The following MARCHF3 variants were observed in gnomAD, a reference collection of about 807,000 sequenced individuals.
The protein encoded by MARCHF3 is E3 ubiquitin-protein ligase MARCHF3.
MARCHF3 carries 13 observed loss-of-function variants against 24.2 expected under a neutral mutation model. The observed-to-expected ratio is 0.54, with a 90% CI of 0.35 to 0.85. The LOEUF is 0.85. Among genes scored for constraint, MARCHF3 ranks in the 40% least tolerant of loss-of-function variants. The pLI is 0.01. For missense variants in MARCHF3, 276 were observed against 325.0 expected, an observed-to-expected ratio of 0.85 and a Z score of 1.16; for synonymous variants, 144 against 137.3, an observed-to-expected ratio of 1.05 and a Z score of -0.34.
At chr5:126,880,176 A>C (rs947241622) in intron 3 of MARCHF3, among the ~76,000 whole-genome samples, 2 of 152,276 alleles carry the variant, frequency 1.3e-5, no homozygotes, top group East Asian at 3.9e-4. Flanking sequence ...TGAGTAAAAG[A>C]AGCAGGAGGT....
chr5:127,020,631 C>T (rs1284795190), intron 1 of MARCHF3, among the ~76,000 whole-genome samples: 1 of 151,974 alleles, frequency 6.6e-6, no homozygotes, highest in East Asian at 1.9e-4. Context: ...TGGGCAGATC[C>T]CTTGAGCTCA....
chr5:126,910,296 A>C lies in MARCHF3; in HGVS notation c.393+4634T>G, dbSNP rs180873862. On this transcript the variant is annotated intron_variant, in intron 3 of 4. Transcript: ENST00000308660. ...AAAGCCTAGTGGCAAATATTCCATC[A>C]CTAGAAACTGATGTTACAAGCATGC... 7.5e-4 allele frequency among the ~76,000 whole-genome samples: 115 copies of C among 152,324 alleles called. 2 individuals are homozygous for C. The highest frequency in any genetic ancestry group is 1.8e-4 in the Non-Finnish European group (12 of 68,026).
Position 126,989,786 on chromosome 5 carries a change from T to G in MARCHF3, c.-57+40564A>C, listed in dbSNP as rs532331839. Among the ~76,000 whole-genome samples the G allele has an allele frequency of 3.3e-5, 5 of 152,286 alleles. No individual in the cohort carries two copies. In the South Asian group the frequency reaches 1.0e-3, roughly 32 times the overall value. ...AACAGTTTCCTATTATATTACACTC[T>G]GATCTTCAGTGTCTCTTGCAGCAAT... On this transcript the variant is annotated intron_variant, in intron 1 of 4. Transcript: ENST00000308660.
At chr5:126,909,020 T>A (rs1398248325) in intron 3 of MARCHF3, among the ~76,000 whole-genome samples, 1 of 152,172 alleles carries the variant, frequency 6.6e-6, no homozygotes, top group Non-Finnish European at 1.5e-5. Context: ...CCTTTCTGTT[T>A]GTTAGTTTTC....
intron 1 of MARCHF3, among the ~76,000 whole-genome samples, chr5:126,979,948 C>CAAAAAAA (rs757849978): frequency 4.5e-4 from 20 of 44,864 alleles, no homozygotes; most frequent in South Asian, 9.1e-4. Context: ...AACTCCATCT[C>CAAAAAAA]AAAAAAAAAA....
chr5:126,989,260 CAG>C (rs1373214526), intron 1 of MARCHF3, among the ~76,000 whole-genome samples: 1 of 151,716 alleles, frequency 6.6e-6, no homozygotes, highest in Non-Finnish European at 1.5e-5. Flanking sequence ...GCCTGGGTGA[CAG>C]AGAGAGACCC....
At chr5:126,875,961 T>C (rs747441704) in intron 4 of MARCHF3, among the ~76,000 whole-genome samples, 3 of 152,218 alleles carry the variant, frequency 2.0e-5, no homozygotes, top group Non-Finnish European at 4.4e-5. Flanking sequence ...GGGTGATAAA[T>C]CTTGGGTTTA....
At chr5:126,927,789 T>TTCTG in intron 1 of MARCHF3, among the ~76,000 whole-genome samples, 1 of 152,240 alleles carries the variant, frequency 6.6e-6, no homozygotes, top group Admixed American at 6.5e-5. Flanking sequence ...ATCTGTGTTG[T>TTCTG]TCTGTTTGTT....
At chr5:127,002,934 C>T (rs934676439) in intron 1 of MARCHF3, among the ~76,000 whole-genome samples, 4 of 152,100 alleles carry the variant, frequency 2.6e-5, no homozygotes, top group African/African-American at 4.8e-5. Context: ...CAATAGTGTA[C>T]GCTGGCAGGA....
chr5:127,026,496 T>C (rs988855103), intron 1 of MARCHF3, among the ~76,000 whole-genome samples: 4 of 152,234 alleles, frequency 2.6e-5, no homozygotes, highest in Non-Finnish European at 5.9e-5. Flanking sequence ...ATTGAACTAA[T>C]TATTATATAT....
intron 1 of MARCHF3, among the ~76,000 whole-genome samples, chr5:126,996,280 T>G (rs1480802300): frequency 6.6e-6 from 1 of 152,128 alleles, no homozygotes; most frequent in African/African-American, 2.4e-5. Flanking sequence ...ACAGTCAGGA[T>G]GCATGGAGAA....
chr5:126,993,702 T>C (rs920477115), intron 1 of MARCHF3, among the ~76,000 whole-genome samples: 5 of 152,190 alleles, frequency 3.3e-5, no homozygotes, highest in African/African-American at 1.2e-4. Flanking sequence ...GTGTTCTGTA[T>C]ATAAATAAAA....
chr5:127,021,420 CAG>C (rs1433396618), intron 1 of MARCHF3, among the ~76,000 whole-genome samples: 1 of 152,138 alleles, frequency 6.6e-6, no homozygotes, highest in Admixed American at 6.5e-5. Flanking sequence ...TTGCATGTAA[CAG>C]AGAGCAGAAA....
At chr5:126,872,071 TGTC>T (rs1438955170) in intron 4 of MARCHF3, among the ~76,000 whole-genome samples, 19 of 136,510 alleles carry the variant, frequency 1.4e-4, no homozygotes, top group African/African-American at 2.7e-4. Flanking sequence ...GAGAGATCCT[TGTC>T]TTTTTTTTTT....
intron 1 of MARCHF3, among the ~76,000 whole-genome samples, chr5:126,997,218 G>T (rs986438423): frequency 3.9e-5 from 6 of 152,156 alleles, no homozygotes; most frequent in African/African-American, 1.4e-4. Context: ...GTAGGTTACT[G>T]TCCAATCCTT....
chr5:126,929,709 G>A (rs954466778), intron 1 of MARCHF3, among the ~76,000 whole-genome samples: 1 of 152,090 alleles, frequency 6.6e-6, no homozygotes, highest in East Asian at 1.9e-4. Context: ...ATATGGTTTG[G>A]CTGTGTCCTC....
chr5:126,886,019 T>C (rs1287959603), intron 3 of MARCHF3, among the ~76,000 whole-genome samples: 1 of 151,138 alleles, frequency 6.6e-6, no homozygotes, highest in Non-Finnish European at 1.5e-5. Flanking sequence ...ATTTTTTTTT[T>C]CTAGAAGAAA....
intron 1 of MARCHF3, among the ~76,000 whole-genome samples, chr5:126,937,304 A>G (rs1294074517): frequency 6.6e-6 from 1 of 152,196 alleles, no homozygotes; most frequent in Non-Finnish European, 1.5e-5. Context: ...TACATCTACA[A>G]TGTGTCTAAA....
intron 4 of MARCHF3, among the ~76,000 whole-genome samples, chr5:126,871,732 G>A (rs1752973654): frequency 6.7e-6 from 1 of 150,332 alleles, no homozygotes; most frequent in Admixed American, 6.6e-5. Flanking sequence ...TTTTTGGATG[G>A]AGTCTTGCTC....
Sources: allele counts gnomAD v4.1 joint callset (sites outside exome capture counted in the v4.1 genomes callset), GRCh38; gene constraint gnomAD v4.1.1; transcripts MANE v1.5; gene names NCBI Gene and HGNC (gene_info 2026-07-23, HGNC 2026-07-21).